The following XKR6 variants were observed in gnomAD, a reference collection of about 807,000 sequenced individuals.
The protein encoded by XKR6 is XK-related protein 6.
In XKR6, 22 loss-of-function variants were observed where a neutral mutation model predicts 56.7. That is an observed-to-expected ratio of 0.39 (90% CI 0.28 to 0.55). XKR6 has a LOEUF of 0.55. Ranked by LOEUF, XKR6 falls within the 20% of genes least tolerant of loss-of-function variation. The pLI is 0.66. For missense variants in XKR6, 852 were observed against 889.0 expected (o/e 0.96, Z 0.53); for synonymous variants, 524 against 387.8 (o/e 1.35, Z -4.13).
chr8:11,016,666 C>A (rs964020949), intron 1 of XKR6, among the ~76,000 whole-genome samples: 1 of 152,120 alleles, frequency 6.6e-6, no homozygotes, highest in African/African-American at 2.4e-5. Context: ...CGGATGACGA[C>A]GCCCCAGGCC....
chr8:11,187,511 TGGAGAA>T (rs1395373372), intron 1 of XKR6, among the ~76,000 whole-genome samples: 1 of 152,202 alleles, frequency 6.6e-6, no homozygotes, highest in Non-Finnish European at 1.5e-5. Context: ...AACAGTATCA[TGGAGAA>T]GGAGTGTTGG....
intron 1 of XKR6, among the ~76,000 whole-genome samples, chr8:10,968,397 C>T (rs554799340): frequency 1.1e-4 from 16 of 152,266 alleles, no homozygotes; most frequent in Non-Finnish European, 2.2e-4. Flanking sequence ...CCCTGTGGGA[C>T]TGGAATCTTC....
At chr8:11,061,204 C>T (rs1799825135) in intron 1 of XKR6, among the ~76,000 whole-genome samples, 1 of 152,202 alleles carries the variant, frequency 6.6e-6, no homozygotes, top group Non-Finnish European at 1.5e-5. Flanking sequence ...TGGCTCACAC[C>T]TGTAATCTTG....
At chr8:11,192,143 C>T (rs931169252) in intron 1 of XKR6, among the ~76,000 whole-genome samples, 5 of 151,944 alleles carry the variant, frequency 3.3e-5, no homozygotes, top group African/African-American at 1.2e-4. Flanking sequence ...TATAGCAAGA[C>T]CCCATCTCTA....
At chr8:10,960,952 C>T (rs770282967) in intron 1 of XKR6, among the ~76,000 whole-genome samples, 2 of 152,080 alleles carry the variant, frequency 1.3e-5, no homozygotes, top group Non-Finnish European at 2.9e-5. Flanking sequence ...CAGGGAAGAC[C>T]GGGCTAGACT....
At chr8:10,913,925 C>G (rs1471861458) in intron 2 of XKR6, among the ~76,000 whole-genome samples, 2 of 152,192 alleles carry the variant, frequency 1.3e-5, no homozygotes, top group Non-Finnish European at 2.9e-5. Context: ...TTGCAGATAA[C>G]AGGTTTCAGA....
intron 1 of XKR6, among the ~76,000 whole-genome samples, chr8:11,005,107 T>C (rs118133471): frequency 0.014 from 2,126 of 152,186 alleles, 21 homozygotes; most frequent in Non-Finnish European, 0.022. Flanking sequence ...CTATATATAC[T>C]AAGTTTTTTT....
At chr8:11,010,732 T>G (rs1177055066) in intron 1 of XKR6, among the ~76,000 whole-genome samples, 3 of 152,180 alleles carry the variant, frequency 2.0e-5, no homozygotes, top group African/African-American at 7.2e-5. Context: ...TCATTGACAG[T>G]CTTCTTTACT....
chr8:11,159,172 C>T (rs1026535334), intron 1 of XKR6, among the ~76,000 whole-genome samples: 9 of 152,230 alleles, frequency 5.9e-5, no homozygotes, highest in Non-Finnish European at 1.2e-4. Context: ...CTGTTACTAA[C>T]ATCCACCATA....
intron 1 of XKR6, among the ~76,000 whole-genome samples, chr8:11,173,374 C>T (rs1404625735): frequency 6.7e-6 from 1 of 149,726 alleles, no homozygotes; most frequent in African/African-American, 2.5e-5. Flanking sequence ...TATACACACA[C>T]ACACACACAC....
chr8:11,125,100 A>G (rs1189471145), intron 1 of XKR6, among the ~76,000 whole-genome samples: 2 of 145,402 alleles, frequency 1.4e-5, no homozygotes, highest in East Asian at 1.9e-4. Context: ...AAAAAAAAAA[A>G]AAAGAAAAAG....
chr8:11,088,257 C>CA (rs34111211), intron 1 of XKR6, among the ~76,000 whole-genome samples: 81,191 of 151,892 alleles, frequency 0.53, 23,895 homozygotes, highest in African/African-American at 0.75. Flanking sequence ...GAGCCCTTCC[C>CA]AAAAAAAGGA....
intron 1 of XKR6, among the ~76,000 whole-genome samples, chr8:11,141,207 T>C (rs895346929): frequency 2.6e-5 from 4 of 152,228 alleles, no homozygotes; most frequent in African/African-American, 9.7e-5. Flanking sequence ...AGAGACTTCC[T>C]ATGTGTATTG....
At chr8:11,035,058 T>C in intron 1 of XKR6, 1 of 405,386 alleles carries the variant, frequency 2.5e-6, no homozygotes, top group Non-Finnish European at 5.1e-6. Flanking sequence ...GGCCAGTTAC[T>C]GATTCTTTCT....
chr8:11,172,345 G>C (rs1802422046), intron 1 of XKR6, among the ~76,000 whole-genome samples: 1 of 152,138 alleles, frequency 6.6e-6, no homozygotes, highest in South Asian at 2.1e-4. Flanking sequence ...ACTTCAGCCT[G>C]GTCGACAGAC....
chr8:10,913,670 G>T (rs1041061683), intron 2 of XKR6, among the ~76,000 whole-genome samples: 1 of 152,212 alleles, frequency 6.6e-6, no homozygotes, highest in Non-Finnish European at 1.5e-5. Context: ...GCACTCAGCC[G>T]TCGATGCAGA....
At chr8:11,119,356 G>T (rs183541732) in intron 1 of XKR6, among the ~76,000 whole-genome samples, 15 of 152,240 alleles carry the variant, frequency 9.9e-5, no homozygotes, top group Middle Eastern at 3.4e-3. Flanking sequence ...TCAATTCCTG[G>T]ATAGCCTTGT....
intron 1 of XKR6, among the ~76,000 whole-genome samples, chr8:10,965,332 C>T (rs1802186180): frequency 6.6e-6 from 1 of 152,214 alleles, no homozygotes; most frequent in Admixed American, 6.5e-5. Flanking sequence ...GCGGGAGCAA[C>T]GGTGGAAGGC....
chr8:11,069,084 G>A (rs567915104), intron 1 of XKR6, among the ~76,000 whole-genome samples: 1 of 152,138 alleles, frequency 6.6e-6, no homozygotes, highest in African/African-American at 2.4e-5. Context: ...TGCCCCATCA[G>A]CAGAGCTGAG....
Sources: gnomAD v4.1 joint callset for allele counts (sites outside exome capture counted in the v4.1 genomes callset) on GRCh38, gnomAD v4.1.1 for gene constraint, MANE v1.5 for transcripts, NCBI Gene and HGNC (gene_info 2026-07-23, HGNC 2026-07-21) for gene names.